The following ARHGAP35 variants were observed in gnomAD, a reference collection of about 807,000 sequenced individuals.
ARHGAP35 encodes the protein Rho GTPase activating protein 35.
A neutral mutation model predicts 111.1 loss-of-function variants in ARHGAP35; 15 were observed. That is an observed-to-expected ratio of 0.13 (90% CI 0.09 to 0.21). ARHGAP35 has a LOEUF of 0.21. Ranked by LOEUF, ARHGAP35 falls within the 10% of genes least tolerant of loss-of-function variation. The probability of loss-of-function intolerance (pLI) is 1.00; values close to 1 mark genes in which losing one functional copy is unlikely to be tolerated. For synonymous variants in ARHGAP35, 643 were observed against 710.3 expected, an observed-to-expected ratio of 0.91 and a Z score of 1.51; for missense variants, 1,262 against 1,873.0, an observed-to-expected ratio of 0.67 and a Z score of 6.02.
Position 46,993,315 on chromosome 19 carries a change from G to A in ARHGAP35, c.4036+3640G>A, listed in dbSNP as rs866076642. On this transcript the variant is annotated intron_variant, in intron 5 of 6. Coordinates refer to ENST00000672722, the MANE Select transcript of ARHGAP35 (RefSeq NM_004491.5). The surrounding 1 kb of genome is among the most constrained non-coding windows in gnomAD (Gnocchi z 4.6). ...CTTTCCCTTTCCTGGCGATGCAGGCGTGCAGATGGTCAGCGGCGGCCAGCA... is the reference window on the plus strand; with the variant it reads ...CTTTCCCTTTCCTGGCGATGCAGGCATGCAGATGGTCAGCGGCGGCCAGCA... Among the ~76,000 whole-genome samples the A allele has an allele frequency of 3.9e-5, 6 of 152,226 alleles. No homozygotes were observed. The highest frequency in any genetic ancestry group is 2.1e-4 in the South Asian group (1 of 4,832).
At chr19:46,962,505 A>G (rs1205343720) in intron 3 of ARHGAP35, among the ~76,000 whole-genome samples, 1 of 152,278 alleles carries the variant, frequency 6.6e-6, no homozygotes, top group African/African-American at 2.4e-5. Context: ...TGTTTAGGGC[A>G]GAAATTCTAG....
At chr19:46,892,123 T>TAAAAAAA (rs1178888092) in intron 1 of ARHGAP35, among the ~76,000 whole-genome samples, 8 of 53,886 alleles carry the variant, frequency 1.5e-4, no homozygotes, top group South Asian at 5.8e-4. Context: ...CTGTCTCTAC[T>TAAAAAAA]AAAAAAAAAA....
At chr19:46,984,930 G>C (rs118065708) in intron 3 of ARHGAP35, among the ~76,000 whole-genome samples, 2 of 152,188 alleles carry the variant, frequency 1.3e-5, no homozygotes, top group African/African-American at 2.4e-5. Context: ...GGTGATGTGC[G>C]GCCCTCGGCT....
chr19:46,984,703 T>C (rs138642754), intron 3 of ARHGAP35, among the ~76,000 whole-genome samples: 404 of 152,316 alleles, frequency 2.7e-3, no homozygotes, highest in Non-Finnish European at 4.5e-3. Context: ...AAGTACTAAG[T>C]TGATGATTAA....
chr19:46,978,784 CTG>C (rs1470750149), intron 3 of ARHGAP35, among the ~76,000 whole-genome samples: 1 of 49,382 alleles, frequency 2.0e-5, no homozygotes, highest in African/African-American at 8.4e-5. Flanking sequence ...TGGAATGTGT[CTG>C]GTGTGTGTGG....
intron 1 of ARHGAP35, among the ~76,000 whole-genome samples, chr19:46,905,419 A>G (rs998553956): frequency 6.7e-6 from 1 of 148,674 alleles, no homozygotes; most frequent in African/African-American, 2.5e-5. Context: ...TCTGTCACCT[A>G]GGCTGGAGTG....
At chr19:46,889,008 ACAAAG>A (rs2056010254) in intron 1 of ARHGAP35, among the ~76,000 whole-genome samples, 2 of 151,710 alleles carry the variant, frequency 1.3e-5, no homozygotes, top group Non-Finnish European at 2.9e-5. Context: ...TCAAAACAAA[ACAAAG>A]CAAAACAAAA....
intron 1 of ARHGAP35, among the ~76,000 whole-genome samples, chr19:46,876,162 T>C (rs1049348910): frequency 5.3e-5 from 8 of 152,088 alleles, no homozygotes; most frequent in African/African-American, 7.3e-5. Flanking sequence ...TGTGTGTCAT[T>C]ATTAGTGCTG....
chr19:46,873,505 G>A (rs1167722798), intron 1 of ARHGAP35, among the ~76,000 whole-genome samples: 1 of 151,732 alleles, frequency 6.6e-6, no homozygotes, highest in Non-Finnish European at 1.5e-5. Flanking sequence ...CAGGCTTGGT[G>A]GCGGGCACCT....
intron 5 of ARHGAP35, among the ~76,000 whole-genome samples, chr19:46,998,112 A>G (rs1032896223): frequency 1.2e-4 from 18 of 151,948 alleles, no homozygotes; most frequent in Non-Finnish European, 2.1e-4. Context: ...AAAAAAAAAA[A>G]GAAAAAAGAA....
chr19:46,867,092 T>C (rs1350540750), intron 1 of ARHGAP35, among the ~76,000 whole-genome samples: 1 of 152,212 alleles, frequency 6.6e-6, no homozygotes, highest in South Asian at 2.1e-4. Context: ...CTAATTTTCA[T>C]TTATTTGCTT....
chr19:46,887,109 C>T (rs2055996638), intron 1 of ARHGAP35, among the ~76,000 whole-genome samples: 1 of 151,902 alleles, frequency 6.6e-6, no homozygotes, highest in Non-Finnish European at 1.5e-5. Flanking sequence ...TTCTTGACTC[C>T]CTAACAGTTG....
At chr19:46,940,359 CAAAA>C (rs529022109) in intron 3 of ARHGAP35, among the ~76,000 whole-genome samples, 3 of 114,046 alleles carry the variant, frequency 2.6e-5, no homozygotes. Context: ...AACTGTGTCT[CAAAA>C]AAAAAAAAAA....
In ARHGAP35 at chr19:46,953,067, C is replaced by T. The variant is rs563243273; in HGVS notation, c.3826+15659C>T. On this transcript the variant is annotated intron_variant, in intron 3 of 6. Transcript: ENST00000672722. The stretch of plus-strand genomic sequence containing the variant: ...AGGACTGTGAAGACACTCCTTTTTT[C>T]GCATATTCAGCAAGTATATATTGAG... Among the ~76,000 whole-genome samples, 4 of 152,172 alleles carry T rather than the reference C, an allele frequency of 2.6e-5. No individual in the cohort carries two copies. In the East Asian group the frequency reaches 7.7e-4, roughly 29 times the overall value.
chr19:47,000,768 A>G lies in ARHGAP35; in HGVS notation c.*80A>G, dbSNP rs2056743641. 26 of 1,534,840 alleles carry G rather than the reference A, an allele frequency of 1.7e-5. No individual in the cohort carries two copies. In the South Asian group the frequency reaches 2.9e-4, roughly 17 times the overall value. On this transcript the variant is annotated 3_prime_UTR_variant, in exon 7 of 7. Coordinates refer to ENST00000672722, the MANE Select transcript of ARHGAP35 (RefSeq NM_004491.5). This position sits in a 1 kb window ranked among gnomAD's most constrained non-coding sequence, Gnocchi z 6.9. ...TTTGGCCTTGAACAAAACCAAGTCC[A>G]CTGGGGACAGAGGCAGGGGCAAGTG...
At chr19:46,909,067 A>AGG (rs1439724472) in intron 1 of ARHGAP35, among the ~76,000 whole-genome samples, 1 of 152,188 alleles carries the variant, frequency 6.6e-6, no homozygotes, top group Non-Finnish European at 1.5e-5. Context: ...TGGGAGGGTG[A>AGG]GGTGGTAGGA....
intron 1 of ARHGAP35, among the ~76,000 whole-genome samples, chr19:46,879,276 G>T (rs1051708751): frequency 2.0e-5 from 3 of 151,860 alleles, no homozygotes; most frequent in Non-Finnish European, 4.4e-5. Context: ...CCAACATGGA[G>T]AAACCGTGTC....
intron 1 of ARHGAP35, among the ~76,000 whole-genome samples, chr19:46,897,060 AT>A (rs61692635): frequency 0.075 from 10,051 of 133,598 alleles, 448 homozygotes; most frequent in East Asian, 0.18. Flanking sequence ...CACCTGGCTA[AT>A]TTTTTTTTTT....
At chr19:46,874,501 CTTTTTTTTTT>C (rs758783354) in intron 1 of ARHGAP35, among the ~76,000 whole-genome samples, 77 of 114,452 alleles carry the variant, frequency 6.7e-4, no homozygotes, top group Non-Finnish European at 1.0e-3. Context: ...TATGTTTTGT[CTTTTTTTTTT>C]TTTTTTTTTT....
Sources: allele counts gnomAD v4.1 joint callset (sites outside exome capture counted in the v4.1 genomes callset), GRCh38; gene constraint gnomAD v4.1.1; non-coding constraint Gnocchi (gnomAD v3.1); transcripts MANE v1.5; gene names NCBI Gene and HGNC (gene_info 2026-07-23, HGNC 2026-07-21).